PATJ: variants seen among roughly 807,000 people sequenced by gnomAD.
PATJ encodes the protein inaD-like protein.
Under a neutral mutation model 224.9 loss-of-function variants are expected in PATJ, and 190 were observed. That is an observed-to-expected ratio of 0.84 (90% confidence interval 0.75 to 0.95). The LOEUF (loss-of-function observed/expected upper bound fraction) is 0.95. Ranked by LOEUF, PATJ falls within the 40% of genes least tolerant of loss-of-function variation. The pLI is 0.00. For missense variants in PATJ, 2,121 were observed against 2,270.3 expected, an observed-to-expected ratio of 0.93 and a Z score of 1.34; for synonymous variants, 769 against 820.3, an observed-to-expected ratio of 0.94 and a Z score of 1.07.
chr1:61,924,562 A>G (rs1674828296), intron 26 of PATJ, among the ~76,000 whole-genome samples: 1 of 152,220 alleles, frequency 6.6e-6, no homozygotes, highest in South Asian at 2.1e-4. Context: ...TCTTAAAATT[A>G]TTATTAAAAG....
intron 31 of PATJ, among the ~76,000 whole-genome samples, chr1:62,066,380 G>A (rs1656425732): frequency 6.7e-6 from 1 of 150,190 alleles, no homozygotes; most frequent in Non-Finnish European, 1.5e-5. Context: ...GTAACGTGCT[G>A]TGGGAACTTT....
At chr1:61,773,377 A>G in intron 6 of PATJ, among the ~76,000 whole-genome samples, 1 of 152,182 alleles carries the variant, frequency 6.6e-6, no homozygotes, top group Admixed American at 6.5e-5. Flanking sequence ...TTAGTGTAAT[A>G]GAAAAACTGG....
At chr1:61,990,518 CTG>C (rs370942029) in intron 28 of PATJ, 154 bp downstream of exon 28, 14 of 498,702 alleles carry the variant, frequency 2.8e-5, no homozygotes, top group African/African-American at 2.6e-4. Context: ...AGAAATCAAA[CTG>C]TTGTTTGCAA....
intron 18 of PATJ, among the ~76,000 whole-genome samples, 185 bp from the exon 19 acceptor site, chr1:61,861,366 G>A (rs527577849): frequency 1.9e-4 from 25 of 128,818 alleles, no homozygotes; most frequent in African/African-American, 6.8e-4. Context: ...TGGGATACAT[G>A]TGCAGAATGT....
intron 27 of PATJ, among the ~76,000 whole-genome samples, chr1:61,986,339 G>C (rs979205270): frequency 2.6e-4 from 40 of 152,150 alleles, no homozygotes; most frequent in African/African-American, 9.4e-4. Flanking sequence ...CCAACTTATA[G>C]TTTGTGTTGA....
At chr1:61,971,547 G>A (rs184530069) in intron 27 of PATJ, among the ~76,000 whole-genome samples, 3 of 152,224 alleles carry the variant, frequency 2.0e-5, no homozygotes, top group African/African-American at 4.8e-5. Flanking sequence ...CTGTGAGGTC[G>A]AGGCTGCAAT....
intron 1 of PATJ, among the ~76,000 whole-genome samples, chr1:61,761,379 T>TG (rs1645963643): frequency 6.6e-6 from 1 of 152,050 alleles, no homozygotes; most frequent in Admixed American, 6.6e-5. Flanking sequence ...CCCTTCCCAG[T>TG]GTAGGGGAGG....
At chr1:61,977,568 T>G (rs1483710534) in intron 27 of PATJ, among the ~76,000 whole-genome samples, 1 of 152,050 alleles carries the variant, frequency 6.6e-6, no homozygotes, top group Non-Finnish European at 1.5e-5. Context: ...TTAGGTGTTT[T>G]GTAGACGCGT....
chr1:61,969,672 C>A (rs566009028), intron 27 of PATJ, among the ~76,000 whole-genome samples: 1 of 152,184 alleles, frequency 6.6e-6, no homozygotes, highest in Non-Finnish European at 1.5e-5. Context: ...TGTGGGTTGC[C>A]ATTTTACTGT....
intron 14 of PATJ, among the ~76,000 whole-genome samples, chr1:61,815,593 A>G (rs1473943668): frequency 1.3e-5 from 2 of 152,108 alleles, no homozygotes; most frequent in African/African-American, 4.8e-5. Flanking sequence ...TGGTTTATGC[A>G]TATAATCCCA....
chr1:62,071,579 G>C (rs983611898), intron 31 of PATJ, among the ~76,000 whole-genome samples: 1 of 141,398 alleles, frequency 7.1e-6, no homozygotes, highest in African/African-American at 2.6e-5. Context: ...TGCAACCTCC[G>C]CCTCCCCAGG....
chr1:62,051,620 C>T lies in PATJ; in HGVS notation c.4125+562C>T, dbSNP rs12073679. On this transcript the variant is annotated intron_variant, in intron 31 of 43. Coordinates refer to ENST00000642238, the MANE Select transcript of PATJ (RefSeq NM_001350145.3). The stretch of plus-strand genomic sequence containing the variant: ...GGGTTTACAGATGTGAGCCACTGTG[C>T]CTGGCCTGCAATTTATCCTTTATAT... Among the ~76,000 whole-genome samples, 133 of 152,308 alleles carry T rather than the reference C, an allele frequency of 8.7e-4. 2 individuals carry two copies. Among genetic ancestry groups the T allele is most frequent in the African/African-American group, 3.1e-3 (128 of 41,568 alleles).
At chr1:61,830,747 G>T (rs1199557610) in intron 16 of PATJ, among the ~76,000 whole-genome samples, 1 of 152,126 alleles carries the variant, frequency 6.6e-6, no homozygotes, top group Non-Finnish European at 1.5e-5. Context: ...AGCATCTGTT[G>T]TTTAACAAAG....
chr1:62,018,194 T>C lies in PATJ; in HGVS notation c.3959+247T>C, dbSNP rs554194728. ...GTATTTATATTTCAGTTATAAAACA[T>C]TCTTCCCTTTCTGGATCCATTTTTC... On this transcript the variant is annotated intron_variant, in intron 29 of 43. Coordinates refer to ENST00000642238, the MANE Select transcript of PATJ (RefSeq NM_001350145.3). This position sits in a 1 kb window ranked among gnomAD's most constrained non-coding sequence, Gnocchi z 4.2. 2.0e-5 allele frequency among the ~76,000 whole-genome samples: 3 copies of C among 152,368 alleles called. No homozygotes were observed. The highest frequency in any genetic ancestry group is 4.1e-4 in the South Asian group (2 of 4,832).
intron 7 of PATJ, among the ~76,000 whole-genome samples, chr1:61,776,779 G>A (rs1209626156): frequency 6.6e-6 from 1 of 151,672 alleles, no homozygotes; most frequent in African/African-American, 2.4e-5. Flanking sequence ...AGGCTGGAGG[G>A]CAGTGGCGTG....
At chr1:61,788,514 T>G (rs1649076894) in intron 8 of PATJ, among the ~76,000 whole-genome samples, 2 of 152,192 alleles carry the variant, frequency 1.3e-5, no homozygotes, top group East Asian at 3.8e-4. Context: ...AACATCATGT[T>G]AAAGACCTTA....
At chr1:61,849,729 G>T (rs2148878636) in intron 17 of PATJ, among the ~76,000 whole-genome samples, 1 of 152,308 alleles carries the variant, frequency 6.6e-6, no homozygotes, top group Non-Finnish European at 1.5e-5. Flanking sequence ...CCATCTCTTT[G>T]CCATCCTGCT....
chr1:62,040,911 CAA>C (rs1651367744), intron 30 of PATJ, among the ~76,000 whole-genome samples: 1 of 152,150 alleles, frequency 6.6e-6, no homozygotes, highest in South Asian at 2.1e-4. Context: ...GATAGATTAA[CAA>C]GAGCAAAACA....
At chr1:61,795,822 T>C (rs1234905635) in intron 10 of PATJ, among the ~76,000 whole-genome samples, 1 of 152,202 alleles carries the variant, frequency 6.6e-6, no homozygotes, top group Non-Finnish European at 1.5e-5. Context: ...AAAGATGTTC[T>C]AGCATTATCC....
Sources: allele counts gnomAD v4.1 joint callset (sites outside exome capture counted in the v4.1 genomes callset), GRCh38; gene constraint gnomAD v4.1.1; non-coding constraint Gnocchi (gnomAD v3.1); transcripts MANE v1.5; gene names NCBI Gene and HGNC (gene_info 2026-07-23, HGNC 2026-07-21).